The following BCL11A variants were observed in gnomAD, a reference collection of about 807,000 sequenced individuals.
BCL11A encodes the protein B cell CLL/lymphoma 11A.
BCL11A carries 2 observed loss-of-function variants against 55.9 expected under a neutral mutation model. The observed-to-expected ratio is 0.04, with a 90% CI of 0.01 to 0.11. BCL11A has a LOEUF of 0.11. Among genes scored for constraint, BCL11A ranks in the 10% least tolerant of loss-of-function variants. BCL11A has a pLI of 1.00. For missense variants in BCL11A, 817 were observed against 1,137.1 expected, an observed-to-expected ratio of 0.72 and a Z score of 4.05; for synonymous variants, 465 against 473.4, an observed-to-expected ratio of 0.98 and a Z score of 0.23.
intron 2 of BCL11A, among the ~76,000 whole-genome samples, chr2:60,539,173 G>C (rs550964742): frequency 2.0e-5 from 3 of 152,340 alleles, no homozygotes; most frequent in Non-Finnish European, 2.9e-5. Flanking sequence ...TAAGCTTGCT[G>C]TGTACAGCTT....
intron 1 of BCL11A, among the ~76,000 whole-genome samples, chr2:60,550,333 A>G (rs1177949814): frequency 6.6e-6 from 1 of 152,198 alleles, no homozygotes; most frequent in Non-Finnish European, 1.5e-5. Flanking sequence ...TTTTAAAGTC[A>G]AAATGAAGAA....
chr2:60,490,775 G>A (rs942513004), intron 2 of BCL11A, among the ~76,000 whole-genome samples: 5 of 152,164 alleles, frequency 3.3e-5, no homozygotes, highest in Non-Finnish European at 5.9e-5. Context: ...CATGTGACAT[G>A]ATATTCATAT....
intron 3 of BCL11A, among the ~76,000 whole-genome samples, chr2:60,462,822 C>G (rs1462977044): frequency 6.6e-6 from 1 of 152,186 alleles, no homozygotes; most frequent in African/African-American, 2.4e-5. Flanking sequence ...AAGTGAGAAA[C>G]TTGGACAAGG....
chr2:60,540,407 T>TA (rs1669867321), intron 2 of BCL11A, among the ~76,000 whole-genome samples: 1 of 152,162 alleles, frequency 6.6e-6, no homozygotes, highest in Non-Finnish European at 1.5e-5. Context: ...CAAAGTAGAT[T>TA]AAATTAACAT....
intron 2 of BCL11A, among the ~76,000 whole-genome samples, chr2:60,519,223 T>C (rs1345710226): frequency 6.6e-6 from 1 of 152,202 alleles, no homozygotes. Context: ...CTGAGGACTA[T>C]GCATGCTCTG....
intron 2 of BCL11A, among the ~76,000 whole-genome samples, chr2:60,479,219 A>G (rs1424883828): frequency 1.3e-5 from 2 of 152,188 alleles, no homozygotes; most frequent in African/African-American, 4.8e-5. Context: ...TCCAACCAAC[A>G]GCACAACATC....
At chr2:60,509,703 T>A (rs1558654718) in intron 2 of BCL11A, among the ~76,000 whole-genome samples, 1 of 152,030 alleles carries the variant, frequency 6.6e-6, no homozygotes, top group Non-Finnish European at 1.5e-5. Context: ...CACCTGGCCC[T>A]CCCCAAAGAA....
chr2:60,454,619 A>G (rs35507444), downstream of BCL11A, among the ~76,000 whole-genome samples: 26,284 of 152,098 alleles, frequency 0.17, 2,579 homozygotes, highest in Non-Finnish European at 0.23. Flanking sequence ...TTAAAACAAG[A>G]AAACACTGTA....
At chr2:60,473,068 T>C (rs1216278620) in intron 2 of BCL11A, among the ~76,000 whole-genome samples, 1 of 147,610 alleles carries the variant, frequency 6.8e-6, no homozygotes, top group East Asian at 1.9e-4. Flanking sequence ...TGCATGTGTG[T>C]ATATTGTGAC....
At chr2:60,486,615 C>T (rs1207536667) in intron 2 of BCL11A, among the ~76,000 whole-genome samples, 1 of 152,220 alleles carries the variant, frequency 6.6e-6, no homozygotes, top group Non-Finnish European at 1.5e-5. Flanking sequence ...ATGAATAATG[C>T]ACAGAAATGA....
At chr2:60,493,834 T>G (rs930204082) in intron 2 of BCL11A, among the ~76,000 whole-genome samples, 9 of 151,958 alleles carry the variant, frequency 5.9e-5, no homozygotes, top group Non-Finnish European at 8.8e-5. Flanking sequence ...AAATTAAGAT[T>G]CCCCCTGCCT....
At chr2:60,497,232 T>C (rs554162312) in intron 2 of BCL11A, among the ~76,000 whole-genome samples, 1 of 152,362 alleles carries the variant, frequency 6.6e-6, no homozygotes, top group South Asian at 2.1e-4. Flanking sequence ...CTTAATGAGC[T>C]AGAGAAACAT....
intron 3 of BCL11A, among the ~76,000 whole-genome samples, chr2:60,465,852 T>C (rs1676573079): frequency 6.6e-6 from 1 of 152,162 alleles, no homozygotes; most frequent in Non-Finnish European, 1.5e-5. Context: ...ACTAACCACA[T>C]TACACACCCC....
At position 60,553,481 on chromosome 2, in the gene BCL11A, GCAAAAAAAAAAAAA is replaced by G; in HGVS notation, c.-225_-212del. ...GAGAGCCGTCATGGCTTTTTTTTAA[GCAAAAAAAAAAAAA>G]AAAAAAAAAAAAAAAAGAGGGAGAG... On this transcript the variant is annotated 5_prime_UTR_variant, in exon 1 of 4. Coordinates refer to ENST00000642384, the MANE Select transcript of BCL11A (RefSeq NM_022893.4). The G allele has an allele frequency of 1.5e-4, 1 of 6,682 alleles. No homozygotes were observed. Among genetic ancestry groups the G allele is most frequent in the Non-Finnish European group, 2.4e-4 (1 of 4,166 alleles). The allele number at this position is 6,682 out of a possible 1,614,324, so 0.4% of individuals were successfully genotyped here. A position where few individuals can be genotyped will look rare whatever the true frequency, so the allele number is the denominator to read the frequency against.
At chr2:60,473,762 T>C (rs1198293225) in intron 2 of BCL11A, among the ~76,000 whole-genome samples, 1 of 152,244 alleles carries the variant, frequency 6.6e-6, no homozygotes, top group Admixed American at 6.5e-5. Flanking sequence ...ACTTGAGTTG[T>C]GTCAATCTGT....
At chr2:60,521,198 C>T (rs972131993) in intron 2 of BCL11A, among the ~76,000 whole-genome samples, 3 of 152,188 alleles carry the variant, frequency 2.0e-5, no homozygotes, top group African/African-American at 7.2e-5. Context: ...CCAGTGAAGC[C>T]AAACCAGCCT....
At chr2:60,467,678 G>A (rs1676853043) in intron 3 of BCL11A, among the ~76,000 whole-genome samples, 1 of 96,046 alleles carries the variant, frequency 1.0e-5, no homozygotes, top group African/African-American at 4.2e-5. Context: ...GGTGGTGATG[G>A]TGATGGTGGT....
chr2:60,461,081 C>G lies in BCL11A; in HGVS notation c.1831G>C (p.Glu611Gln), dbSNP rs1303665345. The G allele has an allele frequency of 6.2e-7, 1 of 1,602,222 alleles. No homozygotes were observed. Among genetic ancestry groups the G allele is most frequent in the Non-Finnish European group, 8.5e-7 (1 of 1,173,742 alleles). Residue 611 changes from glutamate to glutamine, a missense_variant, in exon 4 of 4, where the codon GAG becomes CAG. Transcript: ENST00000642384. ...TVNGRGCSPG[E>Q]SASGGLSKKL... Reference sequence around the variant, plus strand: ...TTGGACAGGCCCCCCGAGGCCGACTCGCCCGGGGAGCAGCCGCGGCCATTA... The same window carrying G: ...TTGGACAGGCCCCCCGAGGCCGACTGGCCCGGGGAGCAGCCGCGGCCATTA...
intron 2 of BCL11A, among the ~76,000 whole-genome samples, chr2:60,498,349 G>C (rs953784498): frequency 6.6e-6 from 1 of 151,924 alleles, no homozygotes; most frequent in African/African-American, 2.4e-5. Context: ...AGTGTGTGCC[G>C]ACAACTCCCT....
Sources: allele counts gnomAD v4.1 joint callset (sites outside exome capture counted in the v4.1 genomes callset), GRCh38; gene constraint gnomAD v4.1.1; transcripts MANE v1.5; gene names NCBI Gene and HGNC (gene_info 2026-07-23, HGNC 2026-07-21).